Variants in ADGRV1 observed in about 807,000 individuals in gnomAD.
ADGRV1 encodes G-protein coupled receptor 98.
A neutral mutation model predicts 596.2 loss-of-function variants in ADGRV1; 359 were observed. The ratio of observed to expected loss-of-function variants is 0.60; its 90% CI spans 0.55 to 0.66. ADGRV1 has a LOEUF of 0.66. Ranked by LOEUF, ADGRV1 falls within the 30% of genes least tolerant of loss-of-function variation. ADGRV1 has a pLI of 0.00. For synonymous variants in ADGRV1, 2,681 were observed against 2,679.2 expected, an observed-to-expected ratio of 1.00 and a Z score of -0.02; for missense variants, 7,274 against 7,575.6, an observed-to-expected ratio of 0.96 and a Z score of 1.48.
intron 86 of ADGRV1, among the ~76,000 whole-genome samples, chr5:91,094,213 A>G (rs1310542936): frequency 2.0e-5 from 3 of 152,026 alleles, no homozygotes; most frequent in Non-Finnish European, 4.4e-5. Context: ...TAAACCCAGC[A>G]CTTTGGGAGA....
In ADGRV1 at chr5:91,072,489, T is replaced by C. The variant is rs542501546; in HGVS notation, c.18195T>C (p.Ala6065=). 17 of 1,613,836 alleles carry C rather than the reference T, an allele frequency of 1.1e-5. No homozygotes were observed. In the South Asian group the frequency reaches 1.6e-4, roughly 16 times the overall value. Residue 6065 remains alanine, a synonymous_variant, in exon 86 of 90, where the codon GCT becomes GCC. Coordinates refer to ENST00000405460, the MANE Select transcript of ADGRV1 (RefSeq NM_032119.4). ...TCTATGCTGCTTTGTTCACTGCAGC[T>C]CTTGTTCCTTTGACGTGCCTCGTGG... ...PNVYAALFTA[A]LVPLTCLVVV...
At chr5:90,663,796 G>T (rs1172630562) in intron 21 of ADGRV1, among the ~76,000 whole-genome samples, 1 of 151,812 alleles carries the variant, frequency 6.6e-6, no homozygotes, top group Non-Finnish European at 1.5e-5. Context: ...TGTATAAGGT[G>T]TAAGGAAGGG....
chr5:91,046,868 C>T (rs1423522417), intron 85 of ADGRV1, among the ~76,000 whole-genome samples: 3 of 152,098 alleles, frequency 2.0e-5, no homozygotes, highest in African/African-American at 4.8e-5. Context: ...CATGAATAGA[C>T]AATTCTCAAA....
chr5:90,700,057 T>C lies in ADGRV1; in HGVS notation c.8155+2911T>C, dbSNP rs999183569. ...CATTCCTAAGCCTTTTCCTAGATTA[T>C]AAATTATTTTTTTCAAAAACATATT... On this transcript the variant is annotated intron_variant, in intron 34 of 89. Transcript: ENST00000405460. Among the ~76,000 whole-genome samples, 19 of 152,306 alleles carry C rather than the reference T, an allele frequency of 1.2e-4. 1 individual carries two copies. Among genetic ancestry groups the C allele is most frequent in the African/African-American group, 4.6e-4 (19 of 41,578 alleles).
chr5:91,007,968 T>A (rs972812739), intron 85 of ADGRV1, among the ~76,000 whole-genome samples: 8 of 152,018 alleles, frequency 5.3e-5, no homozygotes, highest in Non-Finnish European at 7.3e-5. Context: ...ACTTTCAAGG[T>A]CTAGTTCAAA....
At chr5:91,050,721 A>C (rs1441652684) in intron 85 of ADGRV1, among the ~76,000 whole-genome samples, 2 of 152,058 alleles carry the variant, frequency 1.3e-5, no homozygotes, top group Non-Finnish European at 2.9e-5. Context: ...TTAGCCAGGC[A>C]TGGTGGTGTG....
intron 83 of ADGRV1, among the ~76,000 whole-genome samples, chr5:90,916,184 T>C (rs1167729146): frequency 6.6e-6 from 1 of 151,862 alleles, no homozygotes; most frequent in Non-Finnish European, 1.5e-5. Context: ...TTTTCAAGAA[T>C]CCCATCCCAG....
At chr5:90,690,663 C>A in intron 30 of ADGRV1, 134 bp from the exon 31 acceptor site, 1 of 859,772 alleles carries the variant, frequency 1.2e-6, no homozygotes. Context: ...CAGCATGTTA[C>A]TCTGGTTTTT....
chr5:90,600,818 A>G (rs1761303606), intron 1 of ADGRV1, among the ~76,000 whole-genome samples: 1 of 152,246 alleles, frequency 6.6e-6, no homozygotes. Flanking sequence ...GTAATAAATG[A>G]AAGTGAGAAC....
At chr5:90,954,105 T>C (rs1003446341) in intron 83 of ADGRV1, among the ~76,000 whole-genome samples, 1 of 151,536 alleles carries the variant, frequency 6.6e-6, no homozygotes, top group African/African-American at 2.4e-5. Context: ...TAACAAAATA[T>C]ATTAGATATC....
intron 1 of ADGRV1, among the ~76,000 whole-genome samples, chr5:90,573,299 A>T (rs748275558): frequency 6.6e-6 from 1 of 152,192 alleles, no homozygotes; most frequent in Non-Finnish European, 1.5e-5. Flanking sequence ...AGACTTATCT[A>T]AATTACAGTC....
intron 1 of ADGRV1, among the ~76,000 whole-genome samples, chr5:90,594,380 GCTT>G (rs1266000107): frequency 1.3e-5 from 2 of 151,646 alleles, no homozygotes; most frequent in Non-Finnish European, 2.9e-5. Flanking sequence ...CATGTTTGCT[GCTT>G]CTTCTGCCAT....
chr5:90,629,791 T>A (rs1765259523), intron 9 of ADGRV1: 1 of 312,890 alleles, frequency 3.2e-6, no homozygotes, highest in Admixed American at 4.5e-5. Context: ...AGACGTGAAA[T>A]GCCAGTCATG....
intron 1 of ADGRV1, among the ~76,000 whole-genome samples, chr5:90,597,848 T>A (rs1220365314): frequency 6.6e-6 from 1 of 152,154 alleles, no homozygotes; most frequent in Non-Finnish European, 1.5e-5. Flanking sequence ...GAGAAGAGTA[T>A]GCATGTTCCA....
intron 1 of ADGRV1, among the ~76,000 whole-genome samples, chr5:90,609,517 C>CA (rs752122926): frequency 1.4e-4 from 19 of 139,382 alleles, no homozygotes; most frequent in African/African-American, 4.7e-4. Flanking sequence ...GGGCAAAGAT[C>CA]ATTTTTTTTT....
chr5:90,856,289 A>G (rs1767018582), intron 82 of ADGRV1, among the ~76,000 whole-genome samples: 1 of 152,196 alleles, frequency 6.6e-6, no homozygotes, highest in Admixed American at 6.5e-5. Flanking sequence ...AAATACATGC[A>G]AAGAATTTTG....
At chr5:91,038,718 A>C (rs1215080854) in intron 85 of ADGRV1, among the ~76,000 whole-genome samples, 3 of 152,170 alleles carry the variant, frequency 2.0e-5, no homozygotes, top group African/African-American at 7.2e-5. Flanking sequence ...ATATATACAC[A>C]CAGGGAACCT....
At chr5:90,728,565 C>G in intron 48 of ADGRV1, 104 bp from the exon 49 acceptor site, 2 of 954,720 alleles carry the variant, frequency 2.1e-6, no homozygotes, top group East Asian at 4.8e-5. Context: ...ATCTTTTTAA[C>G]TAAATAAAAG....
chr5:90,692,782 C>T lies in ADGRV1; in HGVS notation c.7129C>T (p.Arg2377Ter), dbSNP rs758718347. The change falls in exon 32 of 90, where the codon CGA becomes TGA. Residue 2377 changes from arginine to a stop codon, truncating the protein, a stop_gained. Transcript: ENST00000405460. LOFTEE classifies it high-confidence loss of function. ...RSSCANITVRRSGGHFGRLLL... is the reference protein window; with the variant it reads ...RSSCANITVR Reference sequence around the variant, plus strand: ...TTCCTGTGCTAATATAACTGTCAGGCGAAGGTATATGAGATAGCTACTTGC... The same window carrying T: ...TTCCTGTGCTAATATAACTGTCAGGTGAAGGTATATGAGATAGCTACTTGC... The T allele has an allele frequency of 3.1e-6, 5 of 1,590,102 alleles. No homozygotes were observed. The highest frequency in any genetic ancestry group is 2.3e-5 in the South Asian group (2 of 86,582).
Sources: gnomAD v4.1 joint callset for allele counts (sites outside exome capture counted in the v4.1 genomes callset) on GRCh38, gnomAD v4.1.1 for gene constraint, MANE v1.5 for transcripts, NCBI Gene and HGNC (gene_info 2026-07-23, HGNC 2026-07-21) for gene names.